The following MYRF variants were observed in gnomAD, a reference collection of about 807,000 sequenced individuals.
MYRF encodes myelin gene regulatory factor.
MYRF carries 16 observed loss-of-function variants against 126.3 expected under a neutral mutation model. That is an observed-to-expected ratio of 0.13 (90% confidence interval 0.09 to 0.19). The LOEUF (loss-of-function observed/expected upper bound fraction) is 0.19, where lower values mean the gene tolerates loss of function less well. Among genes scored for constraint, MYRF ranks in the 10% least tolerant of loss-of-function variants. The probability of loss-of-function intolerance (pLI) is 1.00; values close to 1 mark genes in which losing one functional copy is unlikely to be tolerated. For missense variants in MYRF, 1,104 were observed against 1,547.0 expected (o/e 0.71, Z 4.80); for synonymous variants, 608 against 635.3 (o/e 0.96, Z 0.65).
At position 61,786,323 on chromosome 11, in the gene MYRF, C is replaced by T; in HGVS notation, c.*180C>T. On this transcript the variant is annotated 3_prime_UTR_variant, in exon 27 of 27. Coordinates refer to ENST00000278836, the MANE Select transcript of MYRF (RefSeq NM_001127392.3). This position sits in a 1 kb window ranked among gnomAD's most constrained non-coding sequence, Gnocchi z 4.5. Reference sequence around the variant, plus strand: ...GGAGTTGCTGTTCCAGCTGGTCGCCCCTCACGGCACAGAGGGAACCTGAGA... The same window carrying T: ...GGAGTTGCTGTTCCAGCTGGTCGCCTCTCACGGCACAGAGGGAACCTGAGA... 3.1e-6 allele frequency: 2 copies of T among 647,958 alleles called. No homozygotes were observed. Among genetic ancestry groups the T allele is most frequent in the Non-Finnish European group, 5.4e-6 (2 of 371,362 alleles). The allele number at this position is 647,958 out of a possible 1,614,324, so 40.1% of individuals were successfully genotyped here.
At chr11:61,762,334 G>A (rs1738273411) in intron 1 of MYRF, among the ~76,000 whole-genome samples, 2 of 152,226 alleles carry the variant, frequency 1.3e-5, no homozygotes, top group East Asian at 1.9e-4. Flanking sequence ...TTTGAGAAGG[G>A]AAGGACAGAG....
intron 1 of MYRF, among the ~76,000 whole-genome samples, chr11:61,761,973 C>T (rs141876476): frequency 6.2e-4 from 95 of 152,254 alleles, no homozygotes; most frequent in African/African-American, 1.9e-3. Flanking sequence ...TGTGTGTAGG[C>T]GGGAAGGTAA....
Position 61,778,529 on chromosome 11 carries a change from T to G in MYRF, c.2013+40T>G, listed in dbSNP as rs1591121595. 6.9e-7 allele frequency: 1 copy of G among 1,441,992 alleles called. No homozygotes were observed. The highest frequency in any genetic ancestry group is 9.8e-7 in the Non-Finnish European group (1 of 1,023,490). The allele number at this position is 1,441,992 out of a possible 1,614,324, so 89.3% of individuals were successfully genotyped here. A position where few individuals can be genotyped will look rare whatever the true frequency, so the allele number is the denominator to read the frequency against. ...GAATGGGAGGGAGCCCAGAGGCAAG[T>G]GGGGAGCCAGCTGGGGAACACTCAT... is the stretch of plus-strand genomic sequence containing the variant. On this transcript the variant is annotated intron_variant, in intron 14 of 26. Coordinates refer to ENST00000278836, the MANE Select transcript of MYRF (RefSeq NM_001127392.3). The surrounding 1 kb of genome is among the most constrained non-coding windows in gnomAD (Gnocchi z 4.6).
chr11:61,785,685 C>T lies in MYRF; in HGVS notation c.3301-115C>T, dbSNP rs1324027089. Reference sequence around the variant, plus strand: ...CTTCCTATCTCTTCAAAGTTCTCTGCTTTTTTCCTTCATAAAACTCCCCAC... The same window carrying T: ...CTTCCTATCTCTTCAAAGTTCTCTGTTTTTTTCCTTCATAAAACTCCCCAC... On this transcript the variant is annotated intron_variant, in intron 25 of 26. Coordinates refer to ENST00000278836, the MANE Select transcript of MYRF (RefSeq NM_001127392.3). The T allele has an allele frequency of 6.2e-6, 5 of 805,452 alleles. No homozygotes were observed. In the African/African-American group the frequency reaches 8.5e-5, roughly 14 times the overall value. 49.9% of individuals were successfully genotyped at this position (805,452 alleles called of 1,614,324 possible). A position where few individuals can be genotyped will look rare whatever the true frequency, so the allele number is the denominator to read the frequency against.
At position 61,759,123 on chromosome 11, in the gene MYRF, G is replaced by A. The variant is rs935825650; in HGVS notation, c.46+6333G>A. Among the ~76,000 whole-genome samples the A allele has an allele frequency of 5.3e-5, 8 of 152,224 alleles. No individual in the cohort carries two copies. The East Asian group carries it at 9.6e-4, about 18-fold the overall frequency. On this transcript the variant is annotated intron_variant, in intron 1 of 26. Transcript: ENST00000278836. Reference sequence around the variant, plus strand: ...ACAGATGGGCACAGGTGACCCTGGTGGAGACCTGTGTCCACCCCAAGCTGC... The same window carrying A: ...ACAGATGGGCACAGGTGACCCTGGTAGAGACCTGTGTCCACCCCAAGCTGC...
At chr11:61,784,743 G>A (rs767861447) in intron 25 of MYRF, 10 of 216,810 alleles carry the variant, frequency 4.6e-5, no homozygotes, top group South Asian at 7.6e-5. Context: ...GGAAGGAGCC[G>A]ACCTCATGCT....
rs1401783603 is a variant in MYRF at position 61,773,982 on chromosome 11, C to T, written c.1131C>T (p.Tyr377=). 6 of 1,579,492 alleles carry T rather than the reference C, an allele frequency of 3.8e-6. No homozygotes were observed. Among genetic ancestry groups the T allele is most frequent in the Non-Finnish European group, 5.2e-6 (6 of 1,157,090 alleles). ...GCCCCCCCAGGCCCATGCTCACCTA[C>T]CGCGTGGATGCGGACAAGGGCTTCA... ...ANYKELPMLT[Y]RVDADKGFNF... Residue 377 remains tyrosine, a synonymous_variant, in exon 8 of 27, where the codon TAC becomes TAT. Transcript: ENST00000278836.
chr11:61,759,151 G>A (rs755380192), intron 1 of MYRF, among the ~76,000 whole-genome samples: 3 of 152,222 alleles, frequency 2.0e-5, no homozygotes, highest in Non-Finnish European at 2.9e-5. Context: ...CAAGCTGCAG[G>A]GTCTCTACCT....
Position 61,777,181 on chromosome 11 carries a change from G to A in MYRF, c.1591-83G>A. The A allele has an allele frequency of 7.1e-7, 1 of 1,404,412 alleles. No individual in the cohort carries two copies. The highest frequency in any genetic ancestry group is 9.8e-7 in the Non-Finnish European group (1 of 1,015,268). The allele number at this position is 1,404,412 out of a possible 1,614,324, so 87.0% of individuals were successfully genotyped here. On this transcript the variant is annotated intron_variant, in intron 11 of 26. Transcript: ENST00000278836. This position sits in a 1 kb window ranked among gnomAD's most constrained non-coding sequence, Gnocchi z 8.8. ...AACCCTGGCTGGAAGGGGAGGGGCT[G>A]CTGTGGAGTTTCCCCCTGCTCCCAG...
rs141660768 is a variant in MYRF, at chr11:61,781,233, C to T, written c.2668C>T (p.Pro890Ser). 193 of 1,614,090 alleles carry T rather than the reference C, an allele frequency of 1.2e-4. No homozygotes were observed. The highest frequency in any genetic ancestry group is 1.6e-4 in the Non-Finnish European group (185 of 1,180,054). The change falls in exon 21 of 27, where the codon CCC (proline) becomes TCC (serine). Residue 890 changes from proline (P) to serine (S), a missense_variant. Coordinates refer to ENST00000278836, the MANE Select transcript of MYRF (RefSeq NM_001127392.3). ...CTGCCCTGTCATCTGCTGTTCCTCA[C>T]CCACTACCAACCCTACCACTGGTCC... is the stretch of plus-strand genomic sequence containing the variant. ...HPCPVICCSSPTTNPTTGPSL... is the reference protein window; with the variant it reads ...HPCPVICCSSSTTNPTTGPSL...
Position 61,777,520 on chromosome 11 carries a change from GGC to G in MYRF, c.1791+58_1791+59del. On this transcript the variant is annotated intron_variant, in intron 12 of 26. Coordinates refer to ENST00000278836, the MANE Select transcript of MYRF (RefSeq NM_001127392.3). This position sits in a 1 kb window ranked among gnomAD's most constrained non-coding sequence, Gnocchi z 8.8. ...TCCAGACGCTGGAGCGGGCCGCGGGGGCGGGGCTCCTGGGGAGGGGGCGTGAC... is the reference window on the plus strand; with the variant it reads ...TCCAGACGCTGGAGCGGGCCGCGGGGGGGGCTCCTGGGGAGGGGGCGTGAC... 1 of 1,529,968 alleles carries G rather than the reference GGC, an allele frequency of 6.5e-7. No homozygotes were observed. Among genetic ancestry groups the G allele is most frequent in the Non-Finnish European group, 8.8e-7 (1 of 1,131,826 alleles). 94.8% of individuals were successfully genotyped at this position (1,529,968 alleles called of 1,614,324 possible).
chr11:61,761,632 A>G (rs2065904452), intron 1 of MYRF, among the ~76,000 whole-genome samples: 1 of 152,208 alleles, frequency 6.6e-6, no homozygotes, highest in Non-Finnish European at 1.5e-5. Flanking sequence ...GAGGTCCCTC[A>G]CTGGCCACTT....
intron 3 of MYRF, chr11:61,766,928 A>G (rs915095456): frequency 1.1e-5 from 5 of 444,660 alleles, no homozygotes; most frequent in Non-Finnish European, 2.3e-5. Flanking sequence ...CACTAGGTGC[A>G]TGAACTCTGT....
chr11:61,766,602 A>T (rs911714203), intron 3 of MYRF: 1 of 257,486 alleles, frequency 3.9e-6, no homozygotes, highest in Admixed American at 5.0e-5. Flanking sequence ...CATCCAGCTG[A>T]CGTGTACTGT....
Position 61,781,270 on chromosome 11 carries a change from C to T in MYRF, c.2705C>T (p.Pro902Leu). 1.2e-6 allele frequency: 2 copies of T among 1,614,212 alleles called. No homozygotes were observed. Among genetic ancestry groups the T allele is most frequent in the South Asian group, 1.1e-5 (1 of 91,092 alleles). ...CCTACCACTGGTCCTAGTCTTGGCCCCAGCTTTAACCCTGGCCATGTTCTC... is the reference window on the plus strand; with the variant it reads ...CCTACCACTGGTCCTAGTCTTGGCCTCAGCTTTAACCCTGGCCATGTTCTC... Reference protein sequence around the residue: ...TNPTTGPSLGPSFNPGHVLSP... With the variant: ...TNPTTGPSLGLSFNPGHVLSP... The change falls in exon 21 of 27, where the codon CCC (proline) becomes CTC (leucine). Residue 902 changes from proline to leucine, a missense_variant. This residue lies in a region of MYRF where 323 missense variants were observed against 383.1 expected (regional missense o/e 0.84). Coordinates refer to ENST00000278836, the MANE Select transcript of MYRF (RefSeq NM_001127392.3).
intron 25 of MYRF, 111 bp downstream of exon 25, chr11:61,784,496 C>T (rs2066641508): frequency 1.2e-6 from 1 of 856,786 alleles, no homozygotes. Context: ...TAGAGTAAAG[C>T]CTTCTCCACA....
rs950700288 is a variant in MYRF at position 61,779,484 on chromosome 11, C to T, written c.2175-14C>T. The T allele has an allele frequency of 3.9e-6, 6 of 1,533,238 alleles. No homozygotes were observed. The South Asian group carries it at 6.3e-5, about 16-fold the overall frequency. The allele number at this position is 1,533,238 out of a possible 1,614,324, so 95.0% of individuals were successfully genotyped here. A position where few individuals can be genotyped will look rare whatever the true frequency, so the allele number is the denominator to read the frequency against. On this transcript the variant is annotated splice_polypyrimidine_tract_variant and intron_variant, in intron 15 of 26. Transcript: ENST00000278836. ...TTCCCAGGGACACCCCTGATCCTGG[C>T]CCTCTTGCTGCAGCCATGCAGGGAG... is the stretch of plus-strand genomic sequence containing the variant.
intron 1 of MYRF, chr11:61,755,330 G>GC (rs1301362537): frequency 6.4e-7 from 1 of 1,561,388 alleles, no homozygotes; most frequent in Non-Finnish European, 8.7e-7. Flanking sequence ...GTACAGCCGG[G>GC]CCCCCGTGAC....
rs367652291 is a variant in MYRF at position 61,788,124 on chromosome 11, G to A, written c.*1981G>A. The A allele has an allele frequency of 6.5e-6, 1 of 152,796 alleles. No homozygotes were observed. The highest frequency in any genetic ancestry group is 1.5e-5 in the Non-Finnish European group (1 of 68,112). The allele number at this position is 152,796 out of a possible 1,614,324, so 9.5% of individuals were successfully genotyped here. On this transcript the variant is annotated 3_prime_UTR_variant, in exon 27 of 27. Coordinates refer to ENST00000278836, the MANE Select transcript of MYRF (RefSeq NM_001127392.3). ...ACCTGCTGGAAGCTGCCAGCTGCCC[G>A]GCTGGCAATGGTGTGAGTGTCTTGG...
Sources: gnomAD v4.1 joint callset for allele counts (sites outside exome capture counted in the v4.1 genomes callset) on GRCh38, gnomAD v4.1.1 for gene constraint, gnomAD v4.1.1 regional missense constraint, Gnocchi (gnomAD v3.1) non-coding constraint, MANE v1.5 for transcripts, NCBI Gene and HGNC (gene_info 2026-07-23, HGNC 2026-07-21) for gene names.